The following FURIN variants were observed in gnomAD, a reference collection of about 807,000 sequenced individuals.
FURIN encodes furin, paired basic amino acid cleaving enzyme.
Under a neutral mutation model 89.2 loss-of-function variants are expected in FURIN, and 18 were observed. The observed-to-expected ratio is 0.20, with a 90% CI of 0.14 to 0.30. The LOEUF is 0.30. Among genes scored for constraint, FURIN ranks in the 10% least tolerant of loss-of-function variants. The pLI is 1.00. For synonymous variants in FURIN, 508 were observed against 466.4 expected (o/e 1.09, Z -1.15); for missense variants, 879 against 1,100.5 (o/e 0.80, Z 2.85).
intron 1 of FURIN, among the ~76,000 whole-genome samples, chr15:90,872,238 G>C (rs1437095523): frequency 1.3e-5 from 2 of 151,996 alleles, no homozygotes; most frequent in Admixed American, 1.3e-4. Context: ...TAGGTCCCTG[G>C]GCTGCCTTCT....
At position 90,881,213 on chromosome 15, in the gene FURIN, TTGGGGCTGCTGTGGTCC is replaced by T; in HGVS notation, c.1793-65_1793-49del. Reference sequence around the variant, plus strand: ...GATCCTGGGGATGTGGTGACTTGGCTTGGGGCTGCTGTGGTCCTGGGGCTACAGTCTGTTTAGCTGAC... The same window carrying T: ...GATCCTGGGGATGTGGTGACTTGGCTTGGGGCTACAGTCTGTTTAGCTGAC... On this transcript the variant is annotated intron_variant, in intron 15 of 15. Coordinates refer to ENST00000268171, the MANE Select transcript of FURIN (RefSeq NM_002569.4). This position sits in a 1 kb window ranked among gnomAD's most constrained non-coding sequence, Gnocchi z 4.3. 1 of 1,297,218 alleles carries T rather than the reference TTGGGGCTGCTGTGGTCC, an allele frequency of 7.7e-7. No homozygotes were observed. Among genetic ancestry groups the T allele is most frequent in the Admixed American group, 2.0e-5 (1 of 50,894 alleles). 80.4% of individuals were successfully genotyped at this position (1,297,218 alleles called of 1,614,324 possible).
Position 90,878,284 on chromosome 15 carries a change from T to G in FURIN, c.820T>G (p.Phe274Val), listed in dbSNP as rs763330274. The G allele has an allele frequency of 5.6e-6, 9 of 1,602,100 alleles. No individual in the cohort carries two copies. Among genetic ancestry groups the G allele is most frequent in the Non-Finnish European group, 7.7e-6 (9 of 1,172,700 alleles). Reference sequence around the variant, plus strand: ...GCCAGCCCGCCTCGCCGAGGAGGCCTTCTTCCGTGGGGTTAGCCAGGTGAG... The same window carrying G: ...GCCAGCCCGCCTCGCCGAGGAGGCCGTCTTCCGTGGGGTTAGCCAGGTGAG... ...DGPARLAEEAFFRGVSQGRGG... is the reference protein window; with the variant it reads ...DGPARLAEEAVFRGVSQGRGG... The change falls in exon 8 of 16, where the codon TTC (phenylalanine) becomes GTC (valine). Residue 274 changes from phenylalanine to valine, a missense_variant. Coordinates refer to ENST00000268171, the MANE Select transcript of FURIN (RefSeq NM_002569.4).
intron 9 of FURIN, 24 bp downstream of exon 9, chr15:90,879,000 GC>G: frequency 6.9e-7 from 1 of 1,454,420 alleles, no homozygotes; most frequent in Non-Finnish European, 9.4e-7. Context: ...GGGGGTGGGG[GC>G]TGGGGAGATG....
In FURIN at chr15:90,881,417, G is replaced by A. The variant is rs148880795; in HGVS notation, c.1924G>A (p.Ala642Thr). ...GGAGACCATCCGGGCCAGCGTCTGC[G>A]CCCCCTGCCACGCCTCATGTGCCAC... ...DVETIRASVC[A>T]PCHASCATCQ... The change falls in exon 16 of 16, where the codon GCC (alanine) becomes ACC (threonine). Residue 642 changes from alanine (A) to threonine (T), a missense_variant. Physicochemically the swap from Ala to Thr is moderately conservative, Grantham distance 58 (BLOSUM62 0). This residue lies in a region of FURIN where 457 missense variants were observed against 490.7 expected (regional missense o/e 0.93). Coordinates refer to ENST00000268171, the MANE Select transcript of FURIN (RefSeq NM_002569.4). This position sits in a 1 kb window ranked among gnomAD's most constrained non-coding sequence, Gnocchi z 4.3. The A allele has an allele frequency of 1.3e-4, 208 of 1,612,432 alleles. No individual in the cohort carries two copies. The African/African-American group carries it at 2.5e-3, about 19-fold the overall frequency.
Position 90,875,836 on chromosome 15 carries a change from C to A in FURIN, c.96C>A (p.Asn32Lys). Residue 32 changes from asparagine (N) to lysine (K), a missense_variant, in exon 2 of 16, where the codon AAC becomes AAA. This residue lies in a region of FURIN where 125 missense variants were observed against 125.0 expected (regional missense o/e 1.00). Coordinates refer to ENST00000268171, the MANE Select transcript of FURIN (RefSeq NM_002569.4). ...CTCAGGGCCAGAAGGTCTTCACCAA[C>A]ACGTGGGCTGTGCGCATCCCTGGAG... ...ADAQGQKVFTNTWAVRIPGGP... is the reference protein window; with the variant it reads ...ADAQGQKVFTKTWAVRIPGGP... The A allele has an allele frequency of 6.3e-7, 1 of 1,575,940 alleles. No homozygotes were observed. Among genetic ancestry groups the A allele is most frequent in the Non-Finnish European group, 8.6e-7 (1 of 1,160,790 alleles).
rs2031920449 is a variant in FURIN at position 90,880,819 on chromosome 15, C to G, written c.1681+4C>G. ...ACCAGCGAAGCCAACAACTATGGTA[C>G]TGGGGGCACTTGAGGGGTAGGGGTA... On this transcript the variant is annotated splice_donor_region_variant and intron_variant, in intron 14 of 15. Transcript: ENST00000268171. The G allele has an allele frequency of 6.2e-7, 1 of 1,612,704 alleles. No individual in the cohort carries two copies. Among genetic ancestry groups the G allele is most frequent in the Admixed American group, 1.7e-5 (1 of 59,930 alleles).
chr15:90,876,858 A>G lies in FURIN; in HGVS notation c.373-38A>G. ...AGATGCTCCTAGCCTCACAAAACCA[A>G]TCATGTCTCATAAGTGATGGGGTGG... On this transcript the variant is annotated intron_variant, in intron 4 of 15. Coordinates refer to ENST00000268171, the MANE Select transcript of FURIN (RefSeq NM_002569.4). This position sits in a 1 kb window ranked among gnomAD's most constrained non-coding sequence, Gnocchi z 5.0. The G allele has an allele frequency of 6.2e-7, 1 of 1,609,794 alleles. No homozygotes were observed. The highest frequency in any genetic ancestry group is 1.1e-5 in the South Asian group (1 of 90,910).
intron 1 of FURIN, among the ~76,000 whole-genome samples, chr15:90,870,339 A>T (rs1472019065): frequency 6.6e-6 from 1 of 152,076 alleles, no homozygotes; most frequent in Non-Finnish European, 1.5e-5. Flanking sequence ...TAAAATGCAG[A>T]CAGTGATACA....
chr15:90,871,922 C>T (rs2031328739), intron 1 of FURIN, among the ~76,000 whole-genome samples: 2 of 151,206 alleles, frequency 1.3e-5, no homozygotes, highest in Non-Finnish European at 3.0e-5. Flanking sequence ...CCGGCCGTGG[C>T]TGGTACTTTT....
In FURIN at chr15:90,880,741, C is replaced by T; in HGVS notation, c.1607C>T (p.Thr536Ile). 6.2e-7 allele frequency: 1 copy of T among 1,614,080 alleles called. No individual in the cohort carries two copies. Residue 536 changes from threonine to isoleucine, a missense_variant, in exon 14 of 16, where the codon ACT becomes ATT. Physicochemically the swap from Thr to Ile is moderately conservative, Grantham distance 89. Transcript: ENST00000268171. ...TTTAATGACTGGGCCTTCATGACAA[C>T]TCATTCCTGGGATGAGGATCCCTCT... is the stretch of plus-strand genomic sequence containing the variant. ...DGFNDWAFMT[T>I]HSWDEDPSGE...
chr15:90,876,817 G>C lies in FURIN; in HGVS notation c.373-79G>C, dbSNP rs1031471540. ...TGGTACAGGAGGAGGTTTTACGGGGGCAAAGGGATTCTTCAAGATGCTCCT... is the reference window on the plus strand; with the variant it reads ...TGGTACAGGAGGAGGTTTTACGGGGCCAAAGGGATTCTTCAAGATGCTCCT... On this transcript the variant is annotated intron_variant, in intron 4 of 15. Transcript: ENST00000268171. The surrounding 1 kb of genome is among the most constrained non-coding windows in gnomAD (Gnocchi z 5.0). 13 of 1,493,160 alleles carry C rather than the reference G, an allele frequency of 8.7e-6. No individual in the cohort carries two copies. In the African/African-American group the frequency reaches 1.8e-4, roughly 21 times the overall value. 92.5% of individuals were successfully genotyped at this position (1,493,160 alleles called of 1,614,324 possible). A position where few individuals can be genotyped will look rare whatever the true frequency, so the allele number is the denominator to read the frequency against.
At position 90,877,008 on chromosome 15, in the gene FURIN, A is replaced by C; in HGVS notation, c.485A>C (p.Asp162Ala). ...LDDGIEKNHP[D>A]LAGNYDPGAS... ...GATGGCATCGAGAAGAACCACCCGG[A>C]CTTGGCAGGCAATTATGTGAGGAAG... Residue 162 changes from aspartate to alanine, a missense_variant, in exon 5 of 16, where the codon GAC becomes GCC. Asp to Ala is a moderately radical substitution (Grantham distance 126, BLOSUM62 -2). Transcript: ENST00000268171. 1 of 1,614,118 alleles carries C rather than the reference A, an allele frequency of 6.2e-7. No homozygotes were observed. Among genetic ancestry groups the C allele is most frequent in the Non-Finnish European group, 8.5e-7 (1 of 1,180,016 alleles).
chr15:90,876,872 G>T lies in FURIN; in HGVS notation c.373-24G>T. On this transcript the variant is annotated intron_variant, in intron 4 of 15. Transcript: ENST00000268171. This position sits in a 1 kb window ranked among gnomAD's most constrained non-coding sequence, Gnocchi z 5.0. ...TCACAAAACCAATCATGTCTCATAAGTGATGGGGTGGGTGTCTCCACAGTC... is the reference window on the plus strand; with the variant it reads ...TCACAAAACCAATCATGTCTCATAATTGATGGGGTGGGTGTCTCCACAGTC... 6.2e-7 allele frequency: 1 copy of T among 1,613,280 alleles called. No homozygotes were observed. The highest frequency in any genetic ancestry group is 8.5e-7 in the Non-Finnish European group (1 of 1,179,370).
rs2031973292 is a variant in FURIN at position 90,881,537 on chromosome 15, A to G, written c.2044A>G (p.Ser682Gly). The change falls in exon 16 of 16, where the codon AGC becomes GGC. Residue 682 changes from serine to glycine, a missense_variant. Ser to Gly is a moderately conservative substitution (Grantham distance 56, BLOSUM62 0). Coordinates refer to ENST00000268171, the MANE Select transcript of FURIN (RefSeq NM_002569.4). This position sits in a 1 kb window ranked among gnomAD's most constrained non-coding sequence, Gnocchi z 4.3. ...GACTTGCTCCCGGCAAAGCCAGAGC[A>G]GCCGAGAGTCCCCGCCACAGCAGCA... ...EQTCSRQSQS[S>G]RESPPQQQPP... The G allele has an allele frequency of 1.9e-6, 3 of 1,611,506 alleles. No individual in the cohort carries two copies. The highest frequency in any genetic ancestry group is 2.5e-6 in the Non-Finnish European group (3 of 1,179,522).
rs745672157 is a variant in FURIN, at chr15:90,876,565, G to A, written c.372+8G>A. ...CCTCAGCAGTGGTACCTGGTACGTG[G>A]CCTTCTTCGCTGCTGGGACCTCCTC... On this transcript the variant is annotated splice_region_variant and intron_variant, in intron 4 of 15. Transcript: ENST00000268171. This position sits in a 1 kb window ranked among gnomAD's most constrained non-coding sequence, Gnocchi z 5.0. 3.8e-6 allele frequency: 6 copies of A among 1,568,406 alleles called. No homozygotes were observed. The African/African-American group carries it at 8.1e-5, about 21-fold the overall frequency.
At chr15:90,875,029 CTTTTTTTTTTT>C (rs11343964) in intron 1 of FURIN, among the ~76,000 whole-genome samples, 21 of 101,278 alleles carry the variant, frequency 2.1e-4, no homozygotes, top group Non-Finnish European at 3.9e-4. Context: ...TTCTGTTACA[CTTTTTTTTTTT>C]TTTTTTTTTT....
rs1481569859 is a variant in FURIN, at chr15:90,881,262, T to G, written c.1793-24T>G. 3 of 1,544,558 alleles carry G rather than the reference T, an allele frequency of 1.9e-6. No homozygotes were observed. Among genetic ancestry groups the G allele is most frequent in the Non-Finnish European group, 2.7e-6 (3 of 1,131,470 alleles). On this transcript the variant is annotated intron_variant, in intron 15 of 15. Transcript: ENST00000268171. This position sits in a 1 kb window ranked among gnomAD's most constrained non-coding sequence, Gnocchi z 4.3. ...TACAGTCTGTTTAGCTGACACACAC[T>G]TGCCCTCTCTCCCACGCCGGCAGTG...
intron 1 of FURIN, among the ~76,000 whole-genome samples, chr15:90,875,255 G>C (rs1406938314): frequency 6.6e-6 from 1 of 151,906 alleles, no homozygotes; most frequent in Non-Finnish European, 1.5e-5. Context: ...GGCTGGCCTC[G>C]AACTCCTGAC....
chr15:90,881,871 C>T lies in FURIN; in HGVS notation c.2378C>T (p.Ala793Val). The change falls in exon 16 of 16, where the codon GCC becomes GTC. Residue 793 changes from alanine to valine, a missense_variant. By Grantham distance (64) the Ala-to-Val change is moderately conservative. Transcript: ENST00000268171. This position sits in a 1 kb window ranked among gnomAD's most constrained non-coding sequence, Gnocchi z 4.3. ...ERTAFIKDQS[A>V]L The stretch of plus-strand genomic sequence containing the variant: ...ACCGCCTTTATCAAAGACCAGAGCG[C>T]CCTCTGATGAGCCCACTGCCCACCC... 1.9e-6 allele frequency: 3 copies of T among 1,608,488 alleles called. No homozygotes were observed. Among genetic ancestry groups the T allele is most frequent in the Non-Finnish European group, 2.5e-6 (3 of 1,177,012 alleles).
Sources: allele counts gnomAD v4.1 joint callset (sites outside exome capture counted in the v4.1 genomes callset), GRCh38; gene constraint gnomAD v4.1.1; regional missense constraint gnomAD v4.1.1; non-coding constraint Gnocchi (gnomAD v3.1); transcripts MANE v1.5; gene names NCBI Gene and HGNC (gene_info 2026-07-23, HGNC 2026-07-21).